TXNDC16: variants seen among roughly 807,000 people sequenced by gnomAD.
TXNDC16 encodes thioredoxin domain containing 16.
TXNDC16 carries 74 observed loss-of-function variants against 85.6 expected under a neutral mutation model. The ratio of observed to expected loss-of-function variants is 0.86; its 90% CI spans 0.72 to 1.05. The LOEUF (loss-of-function observed/expected upper bound fraction) is 1.05, where lower values mean the gene tolerates loss of function less well. Ranked by LOEUF, TXNDC16 falls within the 50% of genes least tolerant of loss-of-function variation. TXNDC16 has a pLI of 0.00. For synonymous variants in TXNDC16, 335 were observed against 326.5 expected (o/e 1.03, Z -0.28); for missense variants, 959 against 947.0 (o/e 1.01, Z -0.17).
intron 2 of TXNDC16, 136 bp downstream of exon 2, chr14:52,544,128 G>A (rs1465880801): frequency 1.3e-5 from 2 of 152,354 alleles, no homozygotes; most frequent in African/African-American, 4.8e-5. Context: ...AATTTGTAAT[G>A]CCTAACCCTT....
At chr14:52,549,629 A>ATTTTTTTTTTTTT (rs748701260) in intron 1 of TXNDC16, among the ~76,000 whole-genome samples, 1 of 132,992 alleles carries the variant, frequency 7.5e-6, no homozygotes. Flanking sequence ...AACAGTTCTG[A>ATTTTTTTTTTTTT]TTTTTTTTTT....
At chr14:52,496,469 T>C (rs1042617145) in intron 9 of TXNDC16, among the ~76,000 whole-genome samples, 7 of 151,682 alleles carry the variant, frequency 4.6e-5, no homozygotes, top group Non-Finnish European at 1.0e-4. Flanking sequence ...GTAGATTTCT[T>C]AGCCTTTTCC....
At chr14:52,508,610 T>C (rs906153931) in intron 9 of TXNDC16, among the ~76,000 whole-genome samples, 1 of 152,166 alleles carries the variant, frequency 6.6e-6, no homozygotes, top group African/African-American at 2.4e-5. Context: ...TAAAGACACA[T>C]GCACACGTAT....
At position 52,485,433 on chromosome 14, in the gene TXNDC16, GA is replaced by G. The variant is rs77958842; in HGVS notation, c.1109-2469del. Among the ~76,000 whole-genome samples the G allele has an allele frequency of 5.0e-3, 758 of 151,866 alleles. 15 individuals carry two copies. Among genetic ancestry groups the G allele is most frequent in the Admixed American group, 0.039 (602 of 15,260 alleles). ...TTACAGTAAGCTAAGACAAATTATT[GA>G]AAAAAAATTTATAAATTTAGTACAG... On this transcript the variant is annotated intron_variant, in intron 12 of 20. Transcript: ENST00000281741.
chr14:52,452,894 G>C (rs572620954), intron 18 of TXNDC16, among the ~76,000 whole-genome samples: 1 of 152,172 alleles, frequency 6.6e-6, no homozygotes, highest in East Asian at 1.9e-4. Context: ...AGTGGAGAGA[G>C]AGCCCACAGA....
chr14:52,503,675 C>T (rs149478889), intron 9 of TXNDC16, among the ~76,000 whole-genome samples: 1,760 of 152,306 alleles, frequency 0.012, 22 homozygotes, highest in Non-Finnish European at 0.018. Context: ...CACCTCTACT[C>T]CTCCAAAGGA....
chr14:52,493,293 A>C (rs1310364100), intron 9 of TXNDC16, among the ~76,000 whole-genome samples: 4 of 151,572 alleles, frequency 2.6e-5, no homozygotes, highest in Non-Finnish European at 5.9e-5. Context: ...TTCTAGTTTC[A>C]AATTCTAAAT....
At chr14:52,535,084 T>A (rs2037668751) in intron 6 of TXNDC16, among the ~76,000 whole-genome samples, 1 of 152,216 alleles carries the variant, frequency 6.6e-6, no homozygotes. Flanking sequence ...AAATTTGGAT[T>A]CATTCTTTAT....
At chr14:52,475,830 A>G (rs1407910038) in intron 14 of TXNDC16, among the ~76,000 whole-genome samples, 2 of 152,106 alleles carry the variant, frequency 1.3e-5, no homozygotes, top group East Asian at 3.9e-4. Flanking sequence ...TTTCAAGCCA[A>G]TGCTCTCTTG....
At chr14:52,504,708 T>C (rs1262441792) in intron 9 of TXNDC16, among the ~76,000 whole-genome samples, 1 of 152,144 alleles carries the variant, frequency 6.6e-6, no homozygotes, top group Non-Finnish European at 1.5e-5. Context: ...AGGATCAAAT[T>C]CACACATAAC....
At chr14:52,477,163 C>T (rs2036036721) in intron 14 of TXNDC16, among the ~76,000 whole-genome samples, 1 of 152,184 alleles carries the variant, frequency 6.6e-6, no homozygotes, top group Non-Finnish European at 1.5e-5. Context: ...GCTACAAGAA[C>T]TGCTAAAAGG....
intron 6 of TXNDC16, among the ~76,000 whole-genome samples, chr14:52,524,898 A>T (rs562601140): frequency 6.6e-6 from 1 of 152,068 alleles, no homozygotes; most frequent in Non-Finnish European, 1.5e-5. Flanking sequence ...AGGCGGGAGG[A>T]TCACCTGGGG....
chr14:52,485,781 G>A (rs2036254504), intron 12 of TXNDC16, among the ~76,000 whole-genome samples: 1 of 152,138 alleles, frequency 6.6e-6, no homozygotes, highest in Admixed American at 6.5e-5. Context: ...CACCATGTAG[G>A]TTTGTGTAAG....
At chr14:52,478,382 C>G (rs2036066133) in intron 14 of TXNDC16, among the ~76,000 whole-genome samples, 1 of 152,042 alleles carries the variant, frequency 6.6e-6, no homozygotes, top group Admixed American at 6.5e-5. Context: ...ATAAATGAAA[C>G]AAAAAGCTGG....
chr14:52,530,630 C>T (rs2037549310), intron 6 of TXNDC16, among the ~76,000 whole-genome samples: 6 of 86,850 alleles, frequency 6.9e-5, no homozygotes, highest in East Asian at 5.5e-4. Context: ...TGTGTATATA[C>T]ATATATATAA....
Position 52,536,787 on chromosome 14 carries a change from G to T in TXNDC16, c.324C>A (p.Asn108Lys). Residue 108 changes from asparagine to lysine, a missense_variant, in exon 6 of 21, where the codon AAC (asparagine) becomes AAA (lysine). Coordinates refer to ENST00000281741, the MANE Select transcript of TXNDC16 (RefSeq NM_020784.3). ...DLMKAYLFKGNILLREFPTDT... is the reference protein window; with the variant it reads ...DLMKAYLFKGKILLREFPTDT... ...CAGTAGGGAATTCTCTGAGCAATAT[G>T]TTGCCCCTATAAAAAGTTTAAAAAC... is the stretch of plus-strand genomic sequence containing the variant. The T allele has an allele frequency of 6.2e-7, 1 of 1,608,776 alleles. No individual in the cohort carries two copies. Among genetic ancestry groups the T allele is most frequent in the Non-Finnish European group, 8.5e-7 (1 of 1,177,318 alleles).
rs2036950982 is a variant in TXNDC16, at chr14:52,511,371, C to T, written c.625G>A (p.Ala209Thr). 6.3e-7 allele frequency: 1 copy of T among 1,592,362 alleles called. No homozygotes were observed. Among genetic ancestry groups the T allele is most frequent in the Non-Finnish European group, 8.6e-7 (1 of 1,166,322 alleles). Reference sequence around the variant, plus strand: ...TTACAATGAAAAAAGTAGAGATGTGCATATTCCACATCCTCAGAGCTACAA... The same window carrying T: ...TTACAATGAAAAAAGTAGAGATGTGTATATTCCACATCCTCAGAGCTACAA... ...ESIGSEDVEY[A>T]HLYFFHCKLV... The change falls in exon 9 of 21, where the codon GCA becomes ACA. Residue 209 changes from alanine to threonine, a missense_variant. Physicochemically the swap from Ala to Thr is moderately conservative, Grantham distance 58 (BLOSUM62 0). Coordinates refer to ENST00000281741, the MANE Select transcript of TXNDC16 (RefSeq NM_020784.3).
rs1205889084 is a variant in TXNDC16 at position 52,536,091 on chromosome 14, TTA to T, written c.392+626_392+627del. On this transcript the variant is annotated intron_variant, in intron 6 of 20. Transcript: ENST00000281741. Reference sequence around the variant, plus strand: ...CTACCTGGTACTATGGTCTAAATGTTTATGTCTCCCCAAAATTCATATGTTGA... The same window carrying T: ...CTACCTGGTACTATGGTCTAAATGTTTGTCTCCCCAAAATTCATATGTTGA... 9.2e-5 allele frequency among the ~76,000 whole-genome samples: 14 copies of T among 152,116 alleles called. No individual in the cohort carries two copies. The East Asian group carries it at 2.5e-3, about 27-fold the overall frequency.
intron 9 of TXNDC16, among the ~76,000 whole-genome samples, chr14:52,505,908 A>G (rs1042020808): frequency 5.9e-5 from 9 of 152,372 alleles, no homozygotes; most frequent in African/African-American, 1.7e-4. Context: ...CCGATCCCAC[A>G]GAAATAAAAA....
Sources: gnomAD v4.1 joint callset for allele counts (sites outside exome capture counted in the v4.1 genomes callset) on GRCh38, gnomAD v4.1.1 for gene constraint, MANE v1.5 for transcripts, NCBI Gene and HGNC (gene_info 2026-07-23, HGNC 2026-07-21) for gene names.